The following SLCO3A1 variants were observed in gnomAD, a reference collection of about 807,000 sequenced individuals.
SLCO3A1 encodes solute carrier organic anion transporter family member 3A1, also known as PGE1 transporter.
A neutral mutation model predicts 63.1 loss-of-function variants in SLCO3A1; 27 were observed. The ratio of observed to expected loss-of-function variants is 0.43; its 90% CI spans 0.32 to 0.59. The LOEUF (loss-of-function observed/expected upper bound fraction) is 0.59. Ranked by LOEUF, SLCO3A1 falls within the 20% of genes least tolerant of loss-of-function variation. The pLI is 0.09. For synonymous variants in SLCO3A1, 473 were observed against 409.9 expected (o/e 1.15, Z -1.86); for missense variants, 773 against 945.8 (o/e 0.82, Z 2.40).
intron 1 of SLCO3A1, among the ~76,000 whole-genome samples, chr15:91,889,684 T>C (rs1897823250): frequency 6.6e-6 from 1 of 152,280 alleles, no homozygotes; most frequent in African/African-American, 2.4e-5. Context: ...CTCTACATGT[T>C]CCTTTAGGCA....
intron 2 of SLCO3A1, among the ~76,000 whole-genome samples, chr15:92,068,714 T>A (rs915911347): frequency 2.6e-5 from 4 of 152,174 alleles, no homozygotes; most frequent in African/African-American, 9.7e-5. Context: ...GAATGTTCTG[T>A]CCGAATGGTG....
intron 3 of SLCO3A1, among the ~76,000 whole-genome samples, chr15:92,095,568 C>T (rs2047528388): frequency 6.6e-6 from 1 of 152,150 alleles, no homozygotes. Flanking sequence ...CTCAGAATAC[C>T]CTGAGTTCCC....
Position 92,163,569 on chromosome 15 carries a change from C to A in SLCO3A1, c.*434C>A, listed in dbSNP as rs1401920809. 4 of 980,766 alleles carry A rather than the reference C, an allele frequency of 4.1e-6. No homozygotes were observed. The highest frequency in any genetic ancestry group is 6.2e-5 in the Admixed American group (1 of 16,122). The allele number at this position is 980,766 out of a possible 1,614,324, so 60.8% of individuals were successfully genotyped here. On this transcript the variant is annotated 3_prime_UTR_variant, in exon 10 of 10. Coordinates refer to ENST00000318445, the MANE Select transcript of SLCO3A1 (RefSeq NM_013272.4). The stretch of plus-strand genomic sequence containing the variant: ...AATAAAAAAAATTAAAAAAAAAAAA[C>A]CCACAAGTTGAAAACATTGCCAGAT...
intron 2 of SLCO3A1, among the ~76,000 whole-genome samples, chr15:92,043,949 T>G (rs1341264774): frequency 1.3e-5 from 2 of 152,128 alleles, no homozygotes; most frequent in Non-Finnish European, 2.9e-5. Flanking sequence ...CTTTCTGCTT[T>G]CCAACATATT....
intron 2 of SLCO3A1, among the ~76,000 whole-genome samples, chr15:92,071,264 G>T (rs569228410): frequency 3.9e-5 from 6 of 152,284 alleles, no homozygotes; most frequent in African/African-American, 1.2e-4. Context: ...GCCAGGGAGC[G>T]TGAGGATGAA....
chr15:92,106,834 G>A (rs1055313663), intron 4 of SLCO3A1, among the ~76,000 whole-genome samples: 1 of 152,200 alleles, frequency 6.6e-6, no homozygotes, highest in African/African-American at 2.4e-5. Context: ...TGGGAGTCAC[G>A]GGTGAGGAAA....
chr15:91,889,347 A>G, intron 1 of SLCO3A1: 1 of 357,632 alleles, frequency 2.8e-6, no homozygotes, highest in East Asian at 8.3e-5. Flanking sequence ...CTCAGCACTT[A>G]TCCTAGCCCT....
intron 2 of SLCO3A1, among the ~76,000 whole-genome samples, chr15:92,070,670 G>A (rs1010095141): frequency 2.0e-5 from 3 of 150,744 alleles, no homozygotes; most frequent in African/African-American, 4.9e-5. Context: ...TTGAGACAGA[G>A]TTATGGAGGA....
At chr15:92,007,446 A>G (rs73532492) in intron 2 of SLCO3A1, among the ~76,000 whole-genome samples, 5,892 of 152,248 alleles carry the variant, frequency 0.039, 424 homozygotes, top group African/African-American at 0.13. Context: ...GGGAGAGAAC[A>G]AGATGGGGTG....
At chr15:91,857,029 CGT>C (rs58042356) in intron 1 of SLCO3A1, among the ~76,000 whole-genome samples, 40,646 of 138,462 alleles carry the variant, frequency 0.29, 6,145 homozygotes, top group East Asian at 0.45. Flanking sequence ...AAGGAGGACT[CGT>C]GTGTGTGTGT....
intron 1 of SLCO3A1, among the ~76,000 whole-genome samples, chr15:91,908,201 T>A (rs983008059): frequency 1.3e-5 from 2 of 151,820 alleles, no homozygotes; most frequent in Non-Finnish European, 2.9e-5. Flanking sequence ...TCCACTGTAA[T>A]CCCCACCCCC....
chr15:92,152,415 A>G (rs1412892416), intron 9 of SLCO3A1, among the ~76,000 whole-genome samples: 1 of 152,194 alleles, frequency 6.6e-6, no homozygotes, highest in Non-Finnish European at 1.5e-5. Flanking sequence ...TGGTATATAC[A>G]TGGGAACTCA....
chr15:92,085,060 C>T (rs1015569123), intron 2 of SLCO3A1, among the ~76,000 whole-genome samples: 2 of 152,202 alleles, frequency 1.3e-5, no homozygotes, highest in Admixed American at 6.5e-5. Flanking sequence ...TCACCACAGC[C>T]CTATAAAATG....
chr15:91,949,742 G>C (rs1237180691), intron 2 of SLCO3A1, among the ~76,000 whole-genome samples: 1 of 151,862 alleles, frequency 6.6e-6, no homozygotes, highest in Non-Finnish European at 1.5e-5. Context: ...TGAGCTTGTA[G>C]TCCCAGCTAC....
intron 2 of SLCO3A1, among the ~76,000 whole-genome samples, chr15:92,048,875 G>T (rs887891294): frequency 6.6e-6 from 1 of 152,214 alleles, no homozygotes; most frequent in Non-Finnish European, 1.5e-5. Context: ...CACTGCTTTA[G>T]AGCATTTGTG....
At chr15:92,130,554 A>G (rs548518606) in intron 7 of SLCO3A1, among the ~76,000 whole-genome samples, 1 of 152,272 alleles carries the variant, frequency 6.6e-6, no homozygotes, top group South Asian at 2.1e-4. Flanking sequence ...ACCCAGAGCA[A>G]TGCTTATCCT....
chr15:92,119,672 G>C (rs936553818), intron 4 of SLCO3A1, among the ~76,000 whole-genome samples: 1 of 152,196 alleles, frequency 6.6e-6, no homozygotes, highest in Non-Finnish European at 1.5e-5. Flanking sequence ...AAGAGGAGGG[G>C]CTAGGGGGTG....
At chr15:92,054,363 A>G (rs1413245729) in intron 2 of SLCO3A1, among the ~76,000 whole-genome samples, 1 of 152,220 alleles carries the variant, frequency 6.6e-6, no homozygotes, top group Non-Finnish European at 1.5e-5. Context: ...GTTTGTTTTA[A>G]CAGTTGTAGC....
intron 2 of SLCO3A1, among the ~76,000 whole-genome samples, chr15:91,974,542 G>A (rs533822560): frequency 3.9e-5 from 6 of 152,166 alleles, no homozygotes; most frequent in Admixed American, 6.5e-5. Context: ...AGGGAAGAGC[G>A]TGGTGGGAGG....
Sources: allele counts gnomAD v4.1 joint callset (sites outside exome capture counted in the v4.1 genomes callset), GRCh38; gene constraint gnomAD v4.1.1; transcripts MANE v1.5; gene names NCBI Gene and HGNC (gene_info 2026-07-23, HGNC 2026-07-21).